Variants in NET1 observed in about 807,000 individuals in gnomAD.
NET1 encodes neuroepithelial cell transforming 1.
In NET1, 42 loss-of-function variants were observed where a neutral mutation model predicts 61.1. That is an observed-to-expected ratio of 0.69 (90% CI 0.54 to 0.89). The LOEUF (loss-of-function observed/expected upper bound fraction) is 0.89, where lower values mean the gene tolerates loss of function less well. Among genes scored for constraint, NET1 ranks in the 40% least tolerant of loss-of-function variants. NET1 has a pLI of 0.00. For missense variants in NET1, 654 were observed against 747.3 expected, an observed-to-expected ratio of 0.88 and a Z score of 1.46; for synonymous variants, 254 against 281.8, an observed-to-expected ratio of 0.90 and a Z score of 0.99.
intron 3 of NET1, among the ~76,000 whole-genome samples, chr10:5,448,672 A>T (rs923080164): frequency 4.0e-4 from 51 of 126,714 alleles, no homozygotes; most frequent in African/African-American, 5.0e-4. Flanking sequence ...GGATTTTTGG[A>T]TTTTTTTTTT....
In NET1 at chr10:5,426,703, C is replaced by G; in HGVS notation, c.177C>G (p.Pro59=). Residue 59 remains proline, a synonymous_variant, in exon 2 of 12, where the codon CCC becomes CCG. Coordinates refer to ENST00000355029, the MANE Select transcript of NET1 (RefSeq NM_001047160.3). The surrounding 1 kb of genome is among the most constrained non-coding windows in gnomAD (Gnocchi z 4.6). ...CCTTCACATTCTTAACACCTGGCCC[C>G]AACTGGGACTTCACTTTGGTGAGTA... ...GSSFTFLTPG[P]NWDFTLKRKR... is the part of the protein sequence containing the mutation. 6.2e-7 allele frequency: 1 copy of G among 1,603,308 alleles called. No individual in the cohort carries two copies. The highest frequency in any genetic ancestry group is 8.5e-7 in the Non-Finnish European group (1 of 1,175,886).
At chr10:5,442,889 A>AAAG (rs1832544768) in intron 3 of NET1, among the ~76,000 whole-genome samples, 1 of 151,394 alleles carries the variant, frequency 6.6e-6, no homozygotes, top group East Asian at 1.9e-4. Context: ...AAAAAAAAAA[A>AAAG]AAAGAAAGAA....
rs745798311 is a variant in NET1 at position 5,453,590 on chromosome 10, A to T, written c.768+30A>T. 6.3e-7 allele frequency: 1 copy of T among 1,577,602 alleles called. No homozygotes were observed. The highest frequency in any genetic ancestry group is 1.3e-5 in the African/African-American group (1 of 74,174). On this transcript the variant is annotated intron_variant, in intron 8 of 11. Transcript: ENST00000355029. The surrounding 1 kb of genome is among the most constrained non-coding windows in gnomAD (Gnocchi z 4.9). ...GTAGTGAGTTGTTGACCCCAGATAC[A>T]GTTTCTTACAGATGTGCCATGTTGC...
intron 3 of NET1, among the ~76,000 whole-genome samples, chr10:5,432,814 C>A (rs1259737881): frequency 1.3e-5 from 2 of 151,702 alleles, no homozygotes; most frequent in Non-Finnish European, 2.9e-5. Context: ...CTGTATGTAG[C>A]CTACTGTCTT....
chr10:5,421,103 A>C lies in NET1; in HGVS notation c.129-5552A>C, dbSNP rs546252890. Among the ~76,000 whole-genome samples, 14 of 152,310 alleles carry C rather than the reference A, an allele frequency of 9.2e-5. No homozygotes were observed. The highest frequency in any genetic ancestry group is 9.1e-4 in the Admixed American group (14 of 15,302). ...CCCATAGACAAAGAGTAACGTTTAA[A>C]GATTTTAGGCATTAAAAGCAGTCAG... On this transcript the variant is annotated intron_variant, in intron 1 of 11. Coordinates refer to ENST00000355029, the MANE Select transcript of NET1 (RefSeq NM_001047160.3). This position sits in a 1 kb window ranked among gnomAD's most constrained non-coding sequence, Gnocchi z 4.2.
At position 5,453,461 on chromosome 10, in the gene NET1, T is replaced by TTTATGC; in HGVS notation, c.692-20_692-15dup. ...TTTTTAAATAAACCTGTTAATGGTG[T>TTTATGC]TTATGCTTTTTTATCACTTCAGATT... is the stretch of plus-strand genomic sequence containing the variant. On this transcript the variant is annotated intron_variant, in intron 7 of 11. Transcript: ENST00000355029. The surrounding 1 kb of genome is among the most constrained non-coding windows in gnomAD (Gnocchi z 4.9). The TTTATGC allele has an allele frequency of 1.2e-6, 2 of 1,612,808 alleles. No homozygotes were observed. The highest frequency in any genetic ancestry group is 1.7e-6 in the Non-Finnish European group (2 of 1,178,816).
intron 3 of NET1, among the ~76,000 whole-genome samples, chr10:5,434,911 C>T (rs916114255): frequency 6.6e-6 from 1 of 152,136 alleles, no homozygotes; most frequent in Non-Finnish European, 1.5e-5. Context: ...TCATCTGCAT[C>T]TCTACCTACA....
At chr10:5,432,027 C>T (rs1161545258) in intron 3 of NET1, among the ~76,000 whole-genome samples, 2 of 152,162 alleles carry the variant, frequency 1.3e-5, no homozygotes, top group Middle Eastern at 3.4e-3. Context: ...TAATAGCCTC[C>T]TTGTCTTCTA....
chr10:5,435,117 T>G lies in NET1; in HGVS notation c.255+5888T>G, dbSNP rs1490642866. Among the ~76,000 whole-genome samples, 1 of 152,222 alleles carries G rather than the reference T, an allele frequency of 6.6e-6. No individual in the cohort carries two copies. The highest frequency in any genetic ancestry group is 1.5e-5 in the Non-Finnish European group (1 of 68,040). On this transcript the variant is annotated intron_variant, in intron 3 of 11. Transcript: ENST00000355029. This position sits in a 1 kb window ranked among gnomAD's most constrained non-coding sequence, Gnocchi z 5.0. ...AGAGATACTCAACCCTGGCTGCAGA[T>G]CAGAGTCACCTGAGGGTGGCTTGTG...
At chr10:5,448,214 T>C (rs1238031514) in intron 3 of NET1, among the ~76,000 whole-genome samples, 1 of 152,240 alleles carries the variant, frequency 6.6e-6, no homozygotes, top group African/African-American at 2.4e-5. Context: ...TATGATTGGT[T>C]ATAGAAGAGA....
Position 5,453,541 on chromosome 10 carries a change from G to A in NET1, c.749G>A (p.Gly250Asp). 1 of 1,614,112 alleles carries A rather than the reference G, an allele frequency of 6.2e-7. No individual in the cohort carries two copies. The highest frequency in any genetic ancestry group is 8.5e-7 in the Non-Finnish European group (1 of 1,179,998). ...TKPDGTVEQIGHILVSWLPRL... is the reference protein window; with the variant it reads ...TKPDGTVEQIDHILVSWLPRL... ...CCTGATGGAACAGTGGAGCAGATTG[G>A]TCACATTCTCGTGAGCTGGGTATGT... is the stretch of plus-strand genomic sequence containing the variant. Residue 250 changes from glycine (G) to aspartate (D), a missense_variant, in exon 8 of 12, where the codon GGT becomes GAT. Coordinates refer to ENST00000355029, the MANE Select transcript of NET1 (RefSeq NM_001047160.3). This position sits in a 1 kb window ranked among gnomAD's most constrained non-coding sequence, Gnocchi z 4.9.
chr10:5,456,139 C>G lies in NET1; in HGVS notation c.1250C>G (p.Thr417Arg), dbSNP rs34658946. The change falls in exon 11 of 12, where the codon ACA (threonine) becomes AGA (arginine). Residue 417 changes from threonine (T) to arginine (R), a missense_variant. Physicochemically the swap from Thr to Arg is moderately conservative, Grantham distance 71. Coordinates refer to ENST00000355029, the MANE Select transcript of NET1 (RefSeq NM_001047160.3). The surrounding 1 kb of genome is among the most constrained non-coding windows in gnomAD (Gnocchi z 7.0). ...QDILVLTRPV[T>R]RNERHSYQVY... ...ATCTTGGTTCTGACTCGGCCCGTCA[C>G]ACGGAACGAACGGCACTCTTACCAG... 7.4e-6 allele frequency: 12 copies of G among 1,614,172 alleles called. No homozygotes were observed. Among genetic ancestry groups the G allele is most frequent in the Admixed American group, 1.7e-5 (1 of 60,018 alleles).
In NET1 at chr10:5,431,718, A is replaced by G. The variant is rs1391964631; in HGVS notation, c.255+2489A>G. Among the ~76,000 whole-genome samples, 1 of 152,056 alleles carries G rather than the reference A, an allele frequency of 6.6e-6. No individual in the cohort carries two copies. Among genetic ancestry groups the G allele is most frequent in the Non-Finnish European group, 1.5e-5 (1 of 68,008 alleles). ...GTAATGATTTTTTTTTCTCCTTAGT[A>G]TTATGAACTCATGCATATAAATACT... On this transcript the variant is annotated intron_variant, in intron 3 of 11. Coordinates refer to ENST00000355029, the MANE Select transcript of NET1 (RefSeq NM_001047160.3). The surrounding 1 kb of genome is among the most constrained non-coding windows in gnomAD (Gnocchi z 4.9).
Position 5,427,154 on chromosome 10 carries a change from G to C in NET1, c.195+433G>C, listed in dbSNP as rs1484145149. On this transcript the variant is annotated intron_variant, in intron 2 of 11. Transcript: ENST00000355029. The surrounding 1 kb of genome is among the most constrained non-coding windows in gnomAD (Gnocchi z 4.1). Reference sequence around the variant, plus strand: ...CTGCTATTAATCATCTCAGCATAGAGGGACTCTATTATTTTTATAGCAGGA... The same window carrying C: ...CTGCTATTAATCATCTCAGCATAGACGGACTCTATTATTTTTATAGCAGGA... Among the ~76,000 whole-genome samples, 1 of 151,786 alleles carries C rather than the reference G, an allele frequency of 6.6e-6. No homozygotes were observed. Among genetic ancestry groups the C allele is most frequent in the Non-Finnish European group, 1.5e-5 (1 of 67,948 alleles).
intron 3 of NET1, among the ~76,000 whole-genome samples, chr10:5,429,535 G>A (rs1340857119): frequency 6.6e-6 from 1 of 152,192 alleles, no homozygotes; most frequent in Admixed American, 6.5e-5. Context: ...AGGGCCGGTG[G>A]TGAAAAGGAG....
At position 5,456,945 on chromosome 10, in the gene NET1, C is replaced by T. The variant is rs746275592; in HGVS notation, c.1742C>T (p.Ala581Val). ...THQTQPGIRR[A>V]RDKALSGGKR... is the part of the protein sequence containing the mutation. ...CAGACACAGCCCGGCATCCGAAGAG[C>T]GAGGGACAAAGCCCTTTCTGGTGGC... The change falls in exon 12 of 12, where the codon GCG (alanine) becomes GTG (valine). Residue 581 changes from alanine (A) to valine (V), a missense_variant. Physicochemically the swap from Ala to Val is moderately conservative, Grantham distance 64. Transcript: ENST00000355029. The surrounding 1 kb of genome is among the most constrained non-coding windows in gnomAD (Gnocchi z 7.0). The T allele has an allele frequency of 3.1e-5, 50 of 1,600,558 alleles. No homozygotes were observed. The Middle Eastern group carries it at 5.0e-4, about 16-fold the overall frequency.
In NET1 at chr10:5,431,432, A is replaced by C. The variant is rs1410579767; in HGVS notation, c.255+2203A>C. Among the ~76,000 whole-genome samples the C allele has an allele frequency of 1.3e-5, 2 of 151,288 alleles. No individual in the cohort carries two copies. Among genetic ancestry groups the C allele is most frequent in the Non-Finnish European group, 2.9e-5 (2 of 67,918 alleles). On this transcript the variant is annotated intron_variant, in intron 3 of 11. Coordinates refer to ENST00000355029, the MANE Select transcript of NET1 (RefSeq NM_001047160.3). This position sits in a 1 kb window ranked among gnomAD's most constrained non-coding sequence, Gnocchi z 4.9. Reference sequence around the variant, plus strand: ...ATGTACTTACCTCAAAAAGTATGTAATGCCTTTCTGTGATGCTCTCAAAAT... The same window carrying C: ...ATGTACTTACCTCAAAAAGTATGTACTGCCTTTCTGTGATGCTCTCAAAAT...
Position 5,456,977 on chromosome 10 carries a change from A to C in NET1, c.1774A>C (p.Lys592Gln). The change falls in exon 12 of 12, where the codon AAA (lysine) becomes CAA (glutamine). Residue 592 changes from lysine to glutamine, a missense_variant. Lys to Gln is a moderately conservative substitution (Grantham distance 53, BLOSUM62 1). Coordinates refer to ENST00000355029, the MANE Select transcript of NET1 (RefSeq NM_001047160.3). The surrounding 1 kb of genome is among the most constrained non-coding windows in gnomAD (Gnocchi z 7.0). ...CAAAGCCCTTTCTGGTGGCAAACGG[A>C]AAGAGACTTTGGTGTAGAGAAGGCT... The part of the protein sequence containing the change: ...RDKALSGGKR[K>Q]ETLV 1 of 1,563,820 alleles carries C rather than the reference A, an allele frequency of 6.4e-7. No individual in the cohort carries two copies. Among genetic ancestry groups the C allele is most frequent in the East Asian group, 2.3e-5 (1 of 44,360 alleles).
At chr10:5,418,416 T>C (rs533984758) in intron 1 of NET1, among the ~76,000 whole-genome samples, 1 of 152,192 alleles carries the variant, frequency 6.6e-6, no homozygotes, top group Non-Finnish European at 1.5e-5. Context: ...ATCAAAGTTA[T>C]CTAATTTGTT....
Sources: allele counts gnomAD v4.1 joint callset (sites outside exome capture counted in the v4.1 genomes callset), GRCh38; gene constraint gnomAD v4.1.1; non-coding constraint Gnocchi (gnomAD v3.1); transcripts MANE v1.5; gene names NCBI Gene and HGNC (gene_info 2026-07-23, HGNC 2026-07-21).